Variants in SYT9 observed in about 807,000 individuals in gnomAD.
SYT9 encodes the protein synaptotagmin 9, also known as synaptotagmin-9.
Under a neutral mutation model 48.4 loss-of-function variants are expected in SYT9, and 22 were observed. The observed-to-expected ratio is 0.45, with a 90% CI of 0.32 to 0.65. The LOEUF is 0.65. SYT9 is among the 30% of genes least tolerant of loss of function. SYT9 has a pLI of 0.03. For missense variants in SYT9, 577 were observed against 622.0 expected, an observed-to-expected ratio of 0.93 and a Z score of 0.77; for synonymous variants, 265 against 245.0, an observed-to-expected ratio of 1.08 and a Z score of -0.76.
chr11:7,286,255 A>G (rs1486970235), intron 1 of SYT9, among the ~76,000 whole-genome samples: 1 of 152,180 alleles, frequency 6.6e-6, no homozygotes, highest in Non-Finnish European at 1.5e-5. Context: ...TGTCTTCTGC[A>G]CACCCATAGG....
intron 6 of SYT9, among the ~76,000 whole-genome samples, chr11:7,425,959 A>G (rs1004878627): frequency 1.3e-5 from 2 of 152,360 alleles, no homozygotes; most frequent in African/African-American, 4.8e-5. Context: ...TTTAAATCAC[A>G]TTAAAATAGG....
At chr11:7,410,892 T>C (rs976316540) in intron 3 of SYT9, among the ~76,000 whole-genome samples, 1 of 152,250 alleles carries the variant, frequency 6.6e-6, no homozygotes, top group Non-Finnish European at 1.5e-5. Context: ...TTTGCTCTTG[T>C]CACCCAGGCT....
chr11:7,266,457 C>G (rs979269168), intron 1 of SYT9, among the ~76,000 whole-genome samples: 3 of 152,064 alleles, frequency 2.0e-5, no homozygotes, highest in Non-Finnish European at 4.4e-5. Flanking sequence ...TAACTCCACA[C>G]TGCTTTAGAG....
intron 3 of SYT9, among the ~76,000 whole-genome samples, chr11:7,363,706 G>A (rs897230876): frequency 3.3e-5 from 5 of 152,108 alleles, no homozygotes; most frequent in Admixed American, 6.5e-5. Flanking sequence ...AAAAGGAGAG[G>A]CAAGAGAATC....
intron 6 of SYT9, among the ~76,000 whole-genome samples, chr11:7,453,810 G>A (rs1270376458): frequency 1.3e-5 from 2 of 152,224 alleles, no homozygotes; most frequent in African/African-American, 2.4e-5. Context: ...GAGGAGGCAG[G>A]TGTGGCCAGG....
chr11:7,349,707 G>A (rs539592809), intron 3 of SYT9, among the ~76,000 whole-genome samples: 1 of 152,304 alleles, frequency 6.6e-6, no homozygotes, highest in South Asian at 2.1e-4. Flanking sequence ...AATTTTCACA[G>A]AAGTGAAATA....
intron 3 of SYT9, among the ~76,000 whole-genome samples, chr11:7,357,665 A>G (rs1454515382): frequency 6.6e-6 from 1 of 152,098 alleles, no homozygotes; most frequent in Non-Finnish European, 1.5e-5. Flanking sequence ...TGAACCTGCT[A>G]CCATGAATCA....
intron 3 of SYT9, among the ~76,000 whole-genome samples, chr11:7,406,535 CATATATATATATATATATATAT>C (rs57371051): frequency 1.5e-5 from 2 of 135,340 alleles, no homozygotes; most frequent in East Asian, 4.5e-4. Flanking sequence ...TTCAATTGCG[CATATATATATATATATATATAT>C]ATATATATAT....
intron 3 of SYT9, among the ~76,000 whole-genome samples, chr11:7,330,154 T>C (rs1156539025): frequency 6.6e-6 from 1 of 152,120 alleles, no homozygotes; most frequent in East Asian, 1.9e-4. Context: ...CTAAATGTCC[T>C]CCAATGGGTA....
intron 1 of SYT9, among the ~76,000 whole-genome samples, chr11:7,239,428 C>T (rs1847717869): frequency 1.3e-5 from 2 of 152,132 alleles, no homozygotes; most frequent in African/African-American, 4.8e-5. Context: ...CTTCATGTCT[C>T]ATTAGCCCTA....
At chr11:7,405,387 G>A (rs746530791) in intron 3 of SYT9, among the ~76,000 whole-genome samples, 13 of 152,198 alleles carry the variant, frequency 8.5e-5, no homozygotes, top group Admixed American at 2.6e-4. Context: ...ATTACTCCCG[G>A]TTGAGAACCA....
chr11:7,287,377 A>G (rs760755785), intron 1 of SYT9, among the ~76,000 whole-genome samples: 9 of 152,196 alleles, frequency 5.9e-5, no homozygotes, highest in Non-Finnish European at 1.2e-4. Context: ...GGGAACTACA[A>G]TTCAACATAA....
At chr11:7,259,688 G>C (rs2119806124) in intron 1 of SYT9, among the ~76,000 whole-genome samples, 1 of 151,934 alleles carries the variant, frequency 6.6e-6, no homozygotes, top group Middle Eastern at 3.4e-3. Flanking sequence ...TGAATTTTTT[G>C]TGTTCTCTAC....
intron 3 of SYT9, among the ~76,000 whole-genome samples, chr11:7,377,794 A>G (rs1175250086): frequency 6.6e-6 from 1 of 152,156 alleles, no homozygotes; most frequent in Admixed American, 6.5e-5. Context: ...TTCTTAGTCT[A>G]TGCATGGGCT....
chr11:7,343,993 A>G (rs1374672829), intron 3 of SYT9, among the ~76,000 whole-genome samples: 7 of 152,172 alleles, frequency 4.6e-5, no homozygotes, highest in East Asian at 1.9e-4. Flanking sequence ...TGCCCTCATG[A>G]TTCAATTATC....
intron 6 of SYT9, among the ~76,000 whole-genome samples, chr11:7,451,598 C>T (rs1848050370): frequency 6.6e-6 from 1 of 152,190 alleles, no homozygotes; most frequent in South Asian, 2.1e-4. Context: ...TGCATCTCCC[C>T]AGGCTTAAGC....
intron 3 of SYT9, among the ~76,000 whole-genome samples, chr11:7,387,164 G>T (rs1396841937): frequency 6.6e-6 from 1 of 152,038 alleles, no homozygotes; most frequent in Non-Finnish European, 1.5e-5. Context: ...GTGGTGGGGG[G>T]ATAGAAGCGG....
intron 6 of SYT9, among the ~76,000 whole-genome samples, chr11:7,421,002 A>G (rs1005315211): frequency 1.2e-4 from 19 of 152,244 alleles, no homozygotes; most frequent in Non-Finnish European, 2.8e-4. Flanking sequence ...TGGAAAAAAC[A>G]TAAGGCCTTG....
chr11:7,340,189 T>C lies in SYT9; in HGVS notation c.1044+26248T>C, dbSNP rs145964249. On this transcript the variant is annotated intron_variant, in intron 3 of 6. Transcript: ENST00000318881. ...CAATTGTATTGTGAAATTCTTGTAA[T>C]GTGTTTTGCAGCTCTATCAGGTCAG... Among the ~76,000 whole-genome samples the C allele has an allele frequency of 3.9e-3, 588 of 152,338 alleles. 6 individuals are homozygous for C. Among genetic ancestry groups the C allele is most frequent in the African/African-American group, 0.011 (467 of 41,580 alleles).
Sources: gnomAD v4.1 joint callset for allele counts (sites outside exome capture counted in the v4.1 genomes callset) on GRCh38, gnomAD v4.1.1 for gene constraint, MANE v1.5 for transcripts, NCBI Gene and HGNC (gene_info 2026-07-23, HGNC 2026-07-21) for gene names.